ASTN1: variants seen among roughly 807,000 people sequenced by gnomAD.
ASTN1 encodes the protein astrotactin 1.
ASTN1 carries 41 observed loss-of-function variants against 140.7 expected under a neutral mutation model. That is an observed-to-expected ratio of 0.29 (90% CI 0.23 to 0.38). The LOEUF is 0.38. Among genes scored for constraint, ASTN1 ranks in the 10% least tolerant of loss-of-function variants. The pLI is 1.00. For synonymous variants in ASTN1, 640 were observed against 652.2 expected (o/e 0.98, Z 0.29); for missense variants, 1,479 against 1,678.8 (o/e 0.88, Z 2.08).
chr1:177,071,115 A>AT (rs1678615339), intron 1 of ASTN1, among the ~76,000 whole-genome samples: 1 of 152,206 alleles, frequency 6.6e-6, no homozygotes, highest in Non-Finnish European at 1.5e-5. Context: ...GGCAAGTCGT[A>AT]TTTGTACATT....
chr1:177,008,599 GAGA>G (rs955797005), intron 8 of ASTN1, among the ~76,000 whole-genome samples: 5 of 150,412 alleles, frequency 3.3e-5, no homozygotes, highest in Admixed American at 6.7e-5. Flanking sequence ...GGAGGAGGAA[GAGA>G]AGAAGAAGGA....
chr1:177,014,808 T>C lies in ASTN1; in HGVS notation c.1506A>G (p.Glu502=). The change falls in exon 8 of 23, where the codon GAA becomes GAG. Residue 502 remains glutamate, a synonymous_variant. Coordinates refer to ENST00000361833, the MANE Select transcript of ASTN1 (RefSeq NM_004319.3). Reference sequence around the variant, plus strand: ...TCACTTACCCCTGGTTTGTCCCCCATTCGTTCCGAATGCAAAGGTGCTTAT... The same window carrying C: ...TCACTTACCCCTGGTTTGTCCCCCACTCGTTCCGAATGCAAAGGTGCTTAT... The part of the protein sequence containing the change: ...PVHKHLCIRN[E]WGTNQGPWPY... 6.2e-7 allele frequency: 1 copy of C among 1,613,712 alleles called. No individual in the cohort carries two copies. Among genetic ancestry groups the C allele is most frequent in the Non-Finnish European group, 8.5e-7 (1 of 1,179,714 alleles).
At chr1:177,021,666 A>G (rs1675830770) in intron 7 of ASTN1, among the ~76,000 whole-genome samples, 1 of 152,194 alleles carries the variant, frequency 6.6e-6, no homozygotes, top group South Asian at 2.1e-4. Context: ...CTCCAAGCCT[A>G]AAGCACCAAT....
intron 1 of ASTN1, among the ~76,000 whole-genome samples, chr1:177,137,186 A>G (rs907236386): frequency 2.6e-5 from 4 of 152,216 alleles, no homozygotes; most frequent in Non-Finnish European, 5.9e-5. Flanking sequence ...CAATTATATA[A>G]TGAAATAAAC....
chr1:176,986,047 G>A (rs927406132), intron 8 of ASTN1, among the ~76,000 whole-genome samples: 7 of 152,222 alleles, frequency 4.6e-5, no homozygotes, highest in African/African-American at 1.4e-4. Flanking sequence ...TCCTGCGCCC[G>A]CCTCTGAAGC....
At chr1:176,920,516 G>A (rs190285404) in intron 16 of ASTN1, among the ~76,000 whole-genome samples, 7 of 152,214 alleles carry the variant, frequency 4.6e-5, no homozygotes, top group Admixed American at 1.3e-4. Flanking sequence ...AGTGCCTTTC[G>A]GGGTCCCTCT....
chr1:177,007,076 C>A (rs957714515), intron 8 of ASTN1, among the ~76,000 whole-genome samples: 1 of 152,182 alleles, frequency 6.6e-6, no homozygotes, highest in Non-Finnish European at 1.5e-5. Flanking sequence ...AGTTACTTTA[C>A]CTCTCTGGCT....
intron 20 of ASTN1, among the ~76,000 whole-genome samples, chr1:176,882,143 A>T (rs1668829605): frequency 6.6e-6 from 1 of 152,210 alleles, no homozygotes; most frequent in Non-Finnish European, 1.5e-5. Context: ...AGTTCGCAGA[A>T]AGAATAGGGT....
At chr1:177,079,256 A>G (rs1207122113) in intron 1 of ASTN1, among the ~76,000 whole-genome samples, 3 of 152,148 alleles carry the variant, frequency 2.0e-5, no homozygotes, top group African/African-American at 7.2e-5. Context: ...TTCTGACTGT[A>G]GAAAATGCTA....
chr1:176,897,873 T>G (rs1557943977), intron 16 of ASTN1, among the ~76,000 whole-genome samples: 1 of 152,148 alleles, frequency 6.6e-6, no homozygotes, highest in Non-Finnish European at 1.5e-5. Context: ...CAGTGCCTTT[T>G]CTCGCACCTT....
At chr1:176,925,336 AT>A (rs1393468031) in intron 16 of ASTN1, among the ~76,000 whole-genome samples, 3 of 151,856 alleles carry the variant, frequency 2.0e-5, no homozygotes, top group Non-Finnish European at 4.4e-5. Context: ...TTCAAGATAA[AT>A]ATATAGACTT....
chr1:177,116,745 C>G (rs1305670421), intron 1 of ASTN1, among the ~76,000 whole-genome samples: 1 of 152,176 alleles, frequency 6.6e-6, no homozygotes, highest in African/African-American at 2.4e-5. Flanking sequence ...CTGCTGGTCA[C>G]ATCCTCAGTC....
intron 19 of ASTN1, among the ~76,000 whole-genome samples, 170 bp downstream of exon 19, chr1:176,884,169 A>T (rs1386757274): frequency 1.3e-5 from 2 of 152,164 alleles, no homozygotes; most frequent in Non-Finnish European, 1.5e-5. Context: ...TGCTGCTTGG[A>T]AGAACAGCTG....
At chr1:177,163,076 G>A (rs1308350449) in intron 1 of ASTN1, among the ~76,000 whole-genome samples, 1 of 152,160 alleles carries the variant, frequency 6.6e-6, no homozygotes, top group Non-Finnish European at 1.5e-5. Flanking sequence ...TGTTTTCAGT[G>A]TGAAGACATC....
chr1:176,960,110 C>T (rs1672595360), intron 9 of ASTN1, among the ~76,000 whole-genome samples: 1 of 152,088 alleles, frequency 6.6e-6, no homozygotes, highest in Non-Finnish European at 1.5e-5. Context: ...CCATTCAGGG[C>T]TGATTGCCTC....
At chr1:176,997,367 A>C (rs978538983) in intron 8 of ASTN1, among the ~76,000 whole-genome samples, 2 of 152,122 alleles carry the variant, frequency 1.3e-5, no homozygotes, top group Non-Finnish European at 2.9e-5. Context: ...CTTCTTATAG[A>C]GTTTTAACCC....
intron 1 of ASTN1, among the ~76,000 whole-genome samples, chr1:177,066,833 C>T (rs182689794): frequency 6.6e-6 from 1 of 152,290 alleles, no homozygotes; most frequent in Admixed American, 6.5e-5. Context: ...GGGACCCTTT[C>T]TCACTCCTAG....
intron 1 of ASTN1, among the ~76,000 whole-genome samples, chr1:177,142,165 G>A (rs1682502814): frequency 6.6e-6 from 1 of 152,006 alleles, no homozygotes. Flanking sequence ...ATATTTTTCT[G>A]AACTTATTGT....
At position 176,862,612 on chromosome 1, in the gene ASTN1, C is replaced by A; in HGVS notation, c.*1672G>T. Reference sequence around the variant, plus strand: ...GATCCTGTGCCCTGGAGACCAACAGCCTGAAATCACACTGAAACTCAGTGT... The same window carrying A: ...GATCCTGTGCCCTGGAGACCAACAGACTGAAATCACACTGAAACTCAGTGT... On this transcript the variant is annotated 3_prime_UTR_variant, in exon 23 of 23. Coordinates refer to ENST00000361833, the MANE Select transcript of ASTN1 (RefSeq NM_004319.3). The A allele has an allele frequency of 2.0e-6, 2 of 977,842 alleles. No homozygotes were observed. The highest frequency in any genetic ancestry group is 2.4e-6 in the Non-Finnish European group (2 of 823,124). 60.6% of individuals were successfully genotyped at this position (977,842 alleles called of 1,614,324 possible).
Sources: gnomAD v4.1 joint callset for allele counts (sites outside exome capture counted in the v4.1 genomes callset) on GRCh38, gnomAD v4.1.1 for gene constraint, MANE v1.5 for transcripts, NCBI Gene and HGNC (gene_info 2026-07-23, HGNC 2026-07-21) for gene names.